The following CNTN1 variants were observed in gnomAD, a reference collection of about 807,000 sequenced individuals.
CNTN1 encodes contactin 1.
In CNTN1, 38 loss-of-function variants were observed where a neutral mutation model predicts 126.4. The ratio of observed to expected loss-of-function variants is 0.30; its 90% CI spans 0.23 to 0.39. The LOEUF is 0.39. CNTN1 is among the 10% of genes least tolerant of loss of function. The probability of loss-of-function intolerance (pLI) is 1.00; values close to 1 mark genes in which losing one functional copy is unlikely to be tolerated. For missense variants in CNTN1, 1,009 were observed against 1,248.4 expected (o/e 0.81, Z 2.89); for synonymous variants, 413 against 422.6 (o/e 0.98, Z 0.28).
chr12:40,916,199 G>A (rs1945237763), intron 3 of CNTN1, among the ~76,000 whole-genome samples: 1 of 152,068 alleles, frequency 6.6e-6, no homozygotes, highest in Non-Finnish European at 1.5e-5. Context: ...AGTGGGAATA[G>A]AAATTATCTT....
chr12:40,980,816 T>C (rs1428750772), intron 15 of CNTN1, 93 bp from the exon 16 acceptor site: 3 of 1,169,572 alleles, frequency 2.6e-6, no homozygotes, highest in Middle Eastern at 2.1e-4. Context: ...AAATGTTCTT[T>C]AGATTAATGG....
chr12:40,959,380 A>G (rs1231627158), intron 15 of CNTN1, 146 bp downstream of exon 15: 1 of 843,206 alleles, frequency 1.2e-6, no homozygotes, highest in South Asian at 1.5e-5. Flanking sequence ...GCTTCTTCCC[A>G]TGCCTAAGAA....
intron 12 of CNTN1, among the ~76,000 whole-genome samples, chr12:40,942,511 T>C (rs533502992): frequency 5.4e-4 from 82 of 152,216 alleles, no homozygotes; most frequent in African/African-American, 1.9e-3. Context: ...GGAGCAGGCC[T>C]GGTTTAAAAT....
At chr12:40,908,310 C>G in intron 1 of CNTN1, 47 bp from the exon 2 acceptor site, 3 of 688,182 alleles carry the variant, frequency 4.4e-6, no homozygotes, top group Non-Finnish European at 7.6e-6. Flanking sequence ...CTTCCCCTCT[C>G]CTTCCTTCTA....
At chr12:40,927,647 A>G (rs1945741103) in intron 6 of CNTN1, among the ~76,000 whole-genome samples, 1 of 152,090 alleles carries the variant, frequency 6.6e-6, no homozygotes, top group Admixed American at 6.6e-5. Flanking sequence ...AATAAGTAAG[A>G]TTTGTTAAAT....
chr12:40,980,886 C>A, intron 15 of CNTN1, 23 bp from the exon 16 acceptor site: 1 of 1,611,306 alleles, frequency 6.2e-7, no homozygotes, highest in South Asian at 1.1e-5. Flanking sequence ...TTCACTGATT[C>A]ATTACCCACA....
intron 1 of CNTN1, among the ~76,000 whole-genome samples, chr12:40,847,330 T>G (rs1237381908): frequency 6.6e-6 from 1 of 152,208 alleles, no homozygotes; most frequent in Non-Finnish European, 1.5e-5. Flanking sequence ...ACTAAATGGC[T>G]GGTCTCATGG....
rs1394265928 is a variant in CNTN1, at chr12:41,070,728, T to A, written c.*693T>A. On this transcript the variant is annotated 3_prime_UTR_variant, in exon 24 of 24. Coordinates refer to ENST00000551295, the MANE Select transcript of CNTN1 (RefSeq NM_001843.4). The stretch of plus-strand genomic sequence containing the variant: ...AGAATCAGTTTTTTAATAGTAAAGT[T>A]AACATACCATATAGATTTTTTTTTA... 1 of 150,242 alleles carries A rather than the reference T, an allele frequency of 6.7e-6. No individual in the cohort carries two copies. The highest frequency in any genetic ancestry group is 6.6e-5 in the Admixed American group (1 of 15,146). 9.3% of individuals were successfully genotyped at this position (150,242 alleles called of 1,614,324 possible).
At chr12:40,898,242 T>C (rs1473731234) in intron 1 of CNTN1, among the ~76,000 whole-genome samples, 1 of 152,166 alleles carries the variant, frequency 6.6e-6, no homozygotes, top group Non-Finnish European at 1.5e-5. Flanking sequence ...CCTCCCTGAA[T>C]AAATCTCTTT....
At position 41,071,047 on chromosome 12, in the gene CNTN1, T is replaced by C. The variant is rs1396369001; in HGVS notation, c.*1012T>C. 6.6e-6 allele frequency: 1 copy of C among 151,654 alleles called. No individual in the cohort carries two copies. Among genetic ancestry groups the C allele is most frequent in the African/African-American group, 2.4e-5 (1 of 41,344 alleles). The allele number at this position is 151,654 out of a possible 1,614,324, so 9.4% of individuals were successfully genotyped here. ...GTCAGATCAAAAAGTCACCTGTAGGTTGAAAAAGCTACCGTATTCCATTTT... is the reference window on the plus strand; with the variant it reads ...GTCAGATCAAAAAGTCACCTGTAGGCTGAAAAAGCTACCGTATTCCATTTT... On this transcript the variant is annotated 3_prime_UTR_variant, in exon 24 of 24. Transcript: ENST00000551295.
At chr12:40,753,575 A>G (rs1292829734) in intron 1 of CNTN1, among the ~76,000 whole-genome samples, 1 of 152,048 alleles carries the variant, frequency 6.6e-6, no homozygotes, top group Non-Finnish European at 1.5e-5. Flanking sequence ...CCCTTATAAA[A>G]CCATGAGATC....
At chr12:40,793,319 C>A (rs960495580) in intron 1 of CNTN1, among the ~76,000 whole-genome samples, 1 of 151,992 alleles carries the variant, frequency 6.6e-6, no homozygotes, top group African/African-American at 2.4e-5. Context: ...TGCATAGTTC[C>A]GGTGTCCATA....
chr12:40,817,295 G>A (rs1209565255), intron 1 of CNTN1, among the ~76,000 whole-genome samples: 1 of 151,950 alleles, frequency 6.6e-6, no homozygotes, highest in Non-Finnish European at 1.5e-5. Context: ...TCTCTTTGTA[G>A]GTCTCTAAGA....
chr12:40,801,588 C>T (rs1013980515), intron 1 of CNTN1, among the ~76,000 whole-genome samples: 1 of 151,594 alleles, frequency 6.6e-6, no homozygotes, highest in Non-Finnish European at 1.5e-5. Context: ...GGAGAAACAG[C>T]GCTCCTGACA....
At chr12:41,054,692 A>C (rs2121054887) in intron 23 of CNTN1, among the ~76,000 whole-genome samples, 1 of 152,222 alleles carries the variant, frequency 6.6e-6, no homozygotes, top group East Asian at 1.9e-4. Context: ...AAATTACACT[A>C]TCAGTTGCCA....
At chr12:40,918,826 T>C (rs568487731) in intron 4 of CNTN1, 55 bp downstream of exon 4, 1 of 1,597,050 alleles carries the variant, frequency 6.3e-7, no homozygotes, top group East Asian at 2.2e-5. Context: ...TGATCACAGA[T>C]CAGCATCTAT....
At chr12:41,066,717 C>A (rs1182583090) in intron 23 of CNTN1, among the ~76,000 whole-genome samples, 27 of 152,160 alleles carry the variant, frequency 1.8e-4, no homozygotes, top group Non-Finnish European at 1.5e-5. Flanking sequence ...CCAAGTAGAG[C>A]AGTTTTCTAC....
chr12:40,915,549 AT>A, intron 3 of CNTN1, among the ~76,000 whole-genome samples: 1 of 152,048 alleles, frequency 6.6e-6, no homozygotes, highest in East Asian at 1.9e-4. Context: ...TCACTACTAT[AT>A]TCCCCATTAT....
chr12:40,836,702 T>G (rs1314218663), intron 1 of CNTN1, among the ~76,000 whole-genome samples: 1 of 152,226 alleles, frequency 6.6e-6, no homozygotes, highest in Non-Finnish European at 1.5e-5. Context: ...GTATAATGGT[T>G]AATTCATTGT....
Sources: gnomAD v4.1 joint callset for allele counts (sites outside exome capture counted in the v4.1 genomes callset) on GRCh38, gnomAD v4.1.1 for gene constraint, MANE v1.5 for transcripts, NCBI Gene and HGNC (gene_info 2026-07-23, HGNC 2026-07-21) for gene names.